The following PAPSS1 variants were observed in gnomAD, a reference collection of about 807,000 sequenced individuals.
PAPSS1 encodes the protein 3'-phosphoadenosine 5'-phosphosulfate synthase 1.
A neutral mutation model predicts 72.0 loss-of-function variants in PAPSS1; 50 were observed. The ratio of observed to expected loss-of-function variants is 0.69; its 90% CI spans 0.55 to 0.88. The LOEUF is 0.88. PAPSS1 is among the 40% of genes least tolerant of loss of function. PAPSS1 has a pLI of 0.00. For synonymous variants in PAPSS1, 261 were observed against 263.6 expected (o/e 0.99, Z 0.09); for missense variants, 657 against 782.2 (o/e 0.84, Z 1.91).
intron 11 of PAPSS1, among the ~76,000 whole-genome samples, chr4:107,616,428 A>T (rs114748532): frequency 0.037 from 5,564 of 152,254 alleles, 361 homozygotes; most frequent in African/African-American, 0.13. Context: ...TAGCAGTAAA[A>T]AATACATCTG....
intron 5 of PAPSS1, among the ~76,000 whole-genome samples, chr4:107,680,989 C>A (rs964452871): frequency 6.6e-6 from 1 of 151,958 alleles, no homozygotes; most frequent in Admixed American, 6.6e-5. Context: ...AGGAAAGTCC[C>A]AAGTTACCTA....
chr4:107,661,808 T>C (rs575807882), intron 5 of PAPSS1, among the ~76,000 whole-genome samples: 71 of 151,974 alleles, frequency 4.7e-4, no homozygotes, highest in Non-Finnish European at 9.6e-4. Context: ...ACATGTTCAG[T>C]AGAAAAAAAA....
chr4:107,628,215 T>C (rs1192765272), intron 11 of PAPSS1, among the ~76,000 whole-genome samples: 3 of 152,204 alleles, frequency 2.0e-5, no homozygotes, highest in Non-Finnish European at 2.9e-5. Context: ...TCTAAAAGTA[T>C]GCATTGTCTC....
intron 10 of PAPSS1, among the ~76,000 whole-genome samples, chr4:107,644,412 C>T (rs1012467658): frequency 1.3e-5 from 2 of 152,164 alleles, no homozygotes; most frequent in African/African-American, 4.8e-5. Context: ...ACAGGCTTTG[C>T]CCAGCTCCCC....
intron 11 of PAPSS1, among the ~76,000 whole-genome samples, chr4:107,626,911 A>C (rs989217426): frequency 1.2e-4 from 18 of 152,236 alleles, no homozygotes; most frequent in South Asian, 2.1e-4. Context: ...GTTATTACTT[A>C]TTAAGATTTG....
At position 107,645,729 on chromosome 4, in the gene PAPSS1, G is replaced by A. The variant is rs6829805; in HGVS notation, c.1238-659C>T. ...ACAACCCTGGGTTCATTCCTACGTG[G>A]TGCTTGCTAGCAGGAGACCTTTCCA... On this transcript the variant is annotated intron_variant, in intron 9 of 11. Coordinates refer to ENST00000265174, the MANE Select transcript of PAPSS1 (RefSeq NM_005443.5). 7.3e-3 allele frequency among the ~76,000 whole-genome samples: 1,107 copies of A among 152,236 alleles called. 12 individuals carry two copies. The highest frequency in any genetic ancestry group is 0.024 in the African/African-American group (988 of 41,532).
intron 5 of PAPSS1, among the ~76,000 whole-genome samples, chr4:107,662,794 T>G (rs1350831405): frequency 6.6e-6 from 1 of 152,196 alleles, no homozygotes; most frequent in Admixed American, 6.5e-5. Flanking sequence ...GTCTTCCCTT[T>G]GATCTGGTCT....
At chr4:107,709,709 C>T (rs1005239782) in intron 1 of PAPSS1, among the ~76,000 whole-genome samples, 7 of 152,146 alleles carry the variant, frequency 4.6e-5, no homozygotes, top group African/African-American at 1.7e-4. Context: ...CTGTGTGCTC[C>T]CAACCAGAAG....
intron 11 of PAPSS1, among the ~76,000 whole-genome samples, chr4:107,630,321 A>G (rs2110301518): frequency 6.6e-6 from 1 of 152,372 alleles, no homozygotes; most frequent in Middle Eastern, 3.4e-3. Flanking sequence ...GTTCCCACAC[A>G]AATTCCATCT....
At chr4:107,626,968 T>C (rs1021358811) in intron 11 of PAPSS1, among the ~76,000 whole-genome samples, 2 of 152,212 alleles carry the variant, frequency 1.3e-5, no homozygotes, top group African/African-American at 2.4e-5. Flanking sequence ...ATGCAACTAA[T>C]ATAGAATTCA....
intron 5 of PAPSS1, among the ~76,000 whole-genome samples, chr4:107,672,771 G>C (rs1479926440): frequency 6.6e-6 from 1 of 152,212 alleles, no homozygotes; most frequent in African/African-American, 2.4e-5. Flanking sequence ...ACTGCCTCAA[G>C]TGGGTCCCTG....
chr4:107,644,206 G>A (rs1180696551), intron 10 of PAPSS1, among the ~76,000 whole-genome samples: 1 of 152,134 alleles, frequency 6.6e-6, no homozygotes, highest in Non-Finnish European at 1.5e-5. Context: ...TCCAAAATAT[G>A]GCACCTTGGC....
chr4:107,631,938 A>G (rs1726235237), intron 10 of PAPSS1, 78 bp from the exon 11 acceptor site: 2 of 810,396 alleles, frequency 2.5e-6, no homozygotes, highest in Non-Finnish European at 3.8e-6. Flanking sequence ...TAATAAATGC[A>G]TATGCTTTTT....
intron 11 of PAPSS1, among the ~76,000 whole-genome samples, chr4:107,625,970 A>C (rs2866932): frequency 0.24 from 36,279 of 151,232 alleles, 4,911 homozygotes; most frequent in Middle Eastern, 0.33. Flanking sequence ...TCACAAGGTC[A>C]GATCGAGACC....
chr4:107,647,331 T>C (rs1458973337), intron 9 of PAPSS1, among the ~76,000 whole-genome samples: 1 of 152,228 alleles, frequency 6.6e-6, no homozygotes, highest in Admixed American at 6.5e-5. Flanking sequence ...AAGGAAAGAA[T>C]GGGCGTCTTC....
intron 5 of PAPSS1, among the ~76,000 whole-genome samples, chr4:107,676,365 T>C (rs1727649872): frequency 6.6e-6 from 1 of 152,212 alleles, no homozygotes; most frequent in Admixed American, 6.5e-5. Context: ...TGTGCAAAAA[T>C]CACAAGCATT....
intron 1 of PAPSS1, among the ~76,000 whole-genome samples, chr4:107,705,711 G>C (rs893738866): frequency 6.6e-6 from 1 of 152,146 alleles, no homozygotes; most frequent in African/African-American, 2.4e-5. Context: ...ATAAATTATT[G>C]TCACACGACA....
chr4:107,675,548 T>C (rs1174526321), intron 5 of PAPSS1, among the ~76,000 whole-genome samples: 1 of 152,010 alleles, frequency 6.6e-6, no homozygotes, highest in Non-Finnish European at 1.5e-5. Flanking sequence ...AATTAATAAC[T>C]TACCAACCAA....
chr4:107,698,254 CT>C (rs1723119669), intron 2 of PAPSS1, among the ~76,000 whole-genome samples: 1 of 152,136 alleles, frequency 6.6e-6, no homozygotes, highest in South Asian at 2.1e-4. Context: ...GGTTAAGCAT[CT>C]GAATTGCAAG....
Sources: allele counts gnomAD v4.1 joint callset (sites outside exome capture counted in the v4.1 genomes callset), GRCh38; gene constraint gnomAD v4.1.1; transcripts MANE v1.5; gene names NCBI Gene and HGNC (gene_info 2026-07-23, HGNC 2026-07-21).